The following BRMS1L variants were observed in gnomAD, a reference collection of about 807,000 sequenced individuals.
BRMS1L encodes BRMS1 like transcriptional repressor.
Under a neutral mutation model 50.3 loss-of-function variants are expected in BRMS1L, and 23 were observed. That is an observed-to-expected ratio of 0.46 (90% CI 0.33 to 0.65). The LOEUF (loss-of-function observed/expected upper bound fraction) is 0.65. Among genes scored for constraint, BRMS1L ranks in the 30% least tolerant of loss-of-function variants. The pLI is 0.02. For synonymous variants in BRMS1L, 114 were observed against 126.9 expected (o/e 0.90, Z 0.69); for missense variants, 286 against 386.1 (o/e 0.74, Z 2.17).
intron 6 of BRMS1L, 81 bp from the exon 7 acceptor site, chr14:35,864,854 C>T (rs1245219250): frequency 2.0e-6 from 2 of 1,002,344 alleles, no homozygotes; most frequent in Non-Finnish European, 3.0e-6. Flanking sequence ...AATCATCGTT[C>T]CATTTTCTGA....
chr14:35,846,472 C>T (rs1200415587), intron 4 of BRMS1L, among the ~76,000 whole-genome samples: 2 of 151,022 alleles, frequency 1.3e-5, no homozygotes, highest in East Asian at 3.9e-4. Context: ...TCTTTTTAGT[C>T]TCCTTCAGTG....
At chr14:35,834,657 C>T (rs1415320165) in intron 3 of BRMS1L, among the ~76,000 whole-genome samples, 187 bp from the exon 4 acceptor site, 1 of 152,078 alleles carries the variant, frequency 6.6e-6, no homozygotes, top group Non-Finnish European at 1.5e-5. Flanking sequence ...CTTATAATTT[C>T]TAATCTTTTT....
chr14:35,853,329 TC>T (rs1269197043), intron 4 of BRMS1L, among the ~76,000 whole-genome samples: 1 of 152,162 alleles, frequency 6.6e-6, no homozygotes, highest in Non-Finnish European at 1.5e-5. Context: ...TCTAACTACT[TC>T]TATTTTAACT....
chr14:35,869,281 T>C (rs2078458732), intron 9 of BRMS1L, among the ~76,000 whole-genome samples: 1 of 152,146 alleles, frequency 6.6e-6, no homozygotes, highest in Non-Finnish European at 1.5e-5. Context: ...CCAGGTACAA[T>C]AGATCTTTCC....
chr14:35,827,313 TA>T (rs2036329236), intron 1 of BRMS1L, among the ~76,000 whole-genome samples: 1 of 152,214 alleles, frequency 6.6e-6, no homozygotes, highest in Non-Finnish European at 1.5e-5. Context: ...TGGGCTGTTT[TA>T]AATTATTTTG....
chr14:35,866,052 G>A (rs79534545), intron 8 of BRMS1L: 5,021 of 290,062 alleles, frequency 0.017, 159 homozygotes, highest in African/African-American at 0.076. Context: ...CATTCTATAG[G>A]GGAGGTATTT....
intron 4 of BRMS1L, among the ~76,000 whole-genome samples, chr14:35,856,394 G>T (rs78711805): frequency 6.6e-6 from 1 of 152,258 alleles, no homozygotes; most frequent in East Asian, 1.9e-4. Context: ...TGGTAGCAAG[G>T]TCTCAGAATC....
intron 4 of BRMS1L, among the ~76,000 whole-genome samples, chr14:35,847,193 G>A (rs552754865): frequency 3.9e-5 from 6 of 152,192 alleles, no homozygotes; most frequent in African/African-American, 1.4e-4. Context: ...TGCTCTGGCT[G>A]GTCTCGAACT....
chr14:35,864,887 A>G, intron 6 of BRMS1L, 48 bp from the exon 7 acceptor site: 1 of 1,257,472 alleles, frequency 8.0e-7, no homozygotes, highest in Non-Finnish European at 1.1e-6. Flanking sequence ...TGGAAATATA[A>G]TTCAAAGTGT....
At chr14:35,840,218 G>A (rs1306642863) in intron 4 of BRMS1L, among the ~76,000 whole-genome samples, 1 of 152,192 alleles carries the variant, frequency 6.6e-6, no homozygotes, top group Non-Finnish European at 1.5e-5. Context: ...CAGGTATGAA[G>A]CCGACTTGAT....
At chr14:35,859,212 G>T (rs1029037281) in intron 4 of BRMS1L, among the ~76,000 whole-genome samples, 27 of 152,110 alleles carry the variant, frequency 1.8e-4, no homozygotes, top group Admixed American at 1.1e-3. Flanking sequence ...CCAAAGTGCT[G>T]GGAGTATAGG....
At chr14:35,830,905 T>C (rs145933890) in intron 1 of BRMS1L, among the ~76,000 whole-genome samples, 166 of 152,104 alleles carry the variant, frequency 1.1e-3, no homozygotes, top group African/African-American at 3.5e-3. Flanking sequence ...TATAGTTTTA[T>C]ATACTCATCT....
At chr14:35,863,840 A>T in intron 5 of BRMS1L, 30 bp from the exon 6 acceptor site, 1 of 1,589,872 alleles carries the variant, frequency 6.3e-7, no homozygotes. Context: ...CCAGAAACCC[A>T]CTAATACTTA....
chr14:35,839,737 C>T (rs904138675), intron 4 of BRMS1L, among the ~76,000 whole-genome samples: 2 of 152,062 alleles, frequency 1.3e-5, no homozygotes, highest in East Asian at 3.8e-4. Context: ...CTGAGACTTT[C>T]CTGAAGTTGC....
At chr14:35,841,206 G>A (rs187838358) in intron 4 of BRMS1L, among the ~76,000 whole-genome samples, 3 of 152,190 alleles carry the variant, frequency 2.0e-5, no homozygotes, top group Admixed American at 6.5e-5. Flanking sequence ...CTGCACTGTG[G>A]TCTGAGAGAC....
At chr14:35,860,151 A>G (rs1471698528) in intron 4 of BRMS1L, among the ~76,000 whole-genome samples, 1 of 151,900 alleles carries the variant, frequency 6.6e-6, no homozygotes, top group Non-Finnish European at 1.5e-5. Flanking sequence ...TTTTTTTGAG[A>G]CAGAGTCTTG....
chr14:35,834,230 T>C (rs992656705), intron 3 of BRMS1L, among the ~76,000 whole-genome samples: 4 of 152,162 alleles, frequency 2.6e-5, no homozygotes, highest in Non-Finnish European at 5.9e-5. Flanking sequence ...GTTTTTGTAG[T>C]GACATATTTG....
intron 1 of BRMS1L, chr14:35,829,906 T>C: frequency 1.9e-6 from 2 of 1,078,172 alleles, no homozygotes; most frequent in Non-Finnish European, 2.3e-6. Context: ...AGGACAGACC[T>C]GGTAATTAAC....
At chr14:35,836,535 T>G (rs1444086343) in intron 4 of BRMS1L, among the ~76,000 whole-genome samples, 1 of 152,078 alleles carries the variant, frequency 6.6e-6, no homozygotes, top group African/African-American at 2.4e-5. Flanking sequence ...AGAGAAGCGG[T>G]TCCACTATGT....
Sources: gnomAD v4.1 joint callset for allele counts (sites outside exome capture counted in the v4.1 genomes callset) on GRCh38, gnomAD v4.1.1 for gene constraint, MANE v1.5 for transcripts, NCBI Gene and HGNC (gene_info 2026-07-23, HGNC 2026-07-21) for gene names.